Variants in CNTN4 observed in about 807,000 individuals in gnomAD.
CNTN4 encodes the protein contactin-4.
A neutral mutation model predicts 122.5 loss-of-function variants in CNTN4; 77 were observed. The ratio of observed to expected loss-of-function variants is 0.63; its 90% CI spans 0.52 to 0.76. CNTN4 has a LOEUF of 0.76. CNTN4 is among the 30% of genes least tolerant of loss of function. CNTN4 has a pLI of 0.00. For missense variants in CNTN4, 1,256 were observed against 1,259.1 expected (o/e 1.00, Z 0.04); for synonymous variants, 512 against 447.0 (o/e 1.15, Z -1.83).
At chr3:2,921,117 A>T (rs900201944) in intron 12 of CNTN4, among the ~76,000 whole-genome samples, 1 of 152,230 alleles carries the variant, frequency 6.6e-6, no homozygotes, top group Non-Finnish European at 1.5e-5. Flanking sequence ...AGCTCACTGC[A>T]GCCTTGAACT....
At chr3:2,683,579 T>C (rs1036903457) in intron 4 of CNTN4, among the ~76,000 whole-genome samples, 1 of 152,130 alleles carries the variant, frequency 6.6e-6, no homozygotes, top group African/African-American at 2.4e-5. Context: ...TCCATTATTA[T>C]TGATGTTGAT....
chr3:2,816,269 G>A (rs1411744005), intron 6 of CNTN4, among the ~76,000 whole-genome samples: 2 of 148,142 alleles, frequency 1.4e-5, no homozygotes, highest in African/African-American at 5.3e-5. Flanking sequence ...CAGGAGAATG[G>A]CGTGAACCCA....
At chr3:2,906,301 C>T (rs994491450) in intron 12 of CNTN4, among the ~76,000 whole-genome samples, 1 of 152,128 alleles carries the variant, frequency 6.6e-6, no homozygotes, top group East Asian at 1.9e-4. Context: ...AACAAGATAT[C>T]GTACTCTCAA....
intron 13 of CNTN4, among the ~76,000 whole-genome samples, chr3:2,943,192 C>T (rs1427351624): frequency 8.6e-6 from 1 of 115,622 alleles, no homozygotes; most frequent in Non-Finnish European, 1.9e-5. Context: ...ATTTAGCTCA[C>T]AACTGATTCC....
At chr3:2,470,493 A>G (rs1289416312) in intron 3 of CNTN4, among the ~76,000 whole-genome samples, 2 of 152,098 alleles carry the variant, frequency 1.3e-5, no homozygotes, top group Non-Finnish European at 2.9e-5. Flanking sequence ...TCGCATCTTG[A>G]GACTCTTGTG....
At chr3:2,373,314 T>C (rs986901998) in intron 3 of CNTN4, among the ~76,000 whole-genome samples, 1 of 152,170 alleles carries the variant, frequency 6.6e-6, no homozygotes, top group Non-Finnish European at 1.5e-5. Context: ...GACCTAGAGA[T>C]TAATGAAATA....
intron 7 of CNTN4, among the ~76,000 whole-genome samples, chr3:2,827,612 G>T (rs956281811): frequency 6.6e-6 from 1 of 152,188 alleles, no homozygotes; most frequent in Non-Finnish European, 1.5e-5. Context: ...AATTGGTTAT[G>T]CTCTGGCATT....
At chr3:2,128,340 C>G (rs1473236622) in intron 2 of CNTN4, among the ~76,000 whole-genome samples, 1 of 152,124 alleles carries the variant, frequency 6.6e-6, no homozygotes, top group Non-Finnish European at 1.5e-5. Context: ...TTATTGAATA[C>G]TTATTATGCA....
At chr3:2,631,985 G>C (rs1304241804) in intron 4 of CNTN4, among the ~76,000 whole-genome samples, 1 of 151,748 alleles carries the variant, frequency 6.6e-6, no homozygotes, top group Non-Finnish European at 1.5e-5. Context: ...AAGGAGTTCA[G>C]GGCTGTTGTG....
chr3:2,182,478 T>G (rs2149289043), intron 2 of CNTN4, among the ~76,000 whole-genome samples: 1 of 152,294 alleles, frequency 6.6e-6, no homozygotes, highest in South Asian at 2.1e-4. Context: ...AGTCTTTTCA[T>G]CTTTTCATTA....
At chr3:2,264,279 T>C (rs528475426) in intron 2 of CNTN4, among the ~76,000 whole-genome samples, 1 of 152,264 alleles carries the variant, frequency 6.6e-6, no homozygotes, top group South Asian at 2.1e-4. Flanking sequence ...CCAGCATGTG[T>C]TATTTTTTGT....
intron 2 of CNTN4, among the ~76,000 whole-genome samples, chr3:2,145,073 G>C (rs557203556): frequency 1.3e-5 from 2 of 152,178 alleles, no homozygotes; most frequent in African/African-American, 4.8e-5. Context: ...TGGTGCTCTG[G>C]GCTTCTTATT....
intron 2 of CNTN4, among the ~76,000 whole-genome samples, chr3:2,193,297 A>C (rs1407631682): frequency 6.6e-6 from 1 of 152,056 alleles, no homozygotes; most frequent in Non-Finnish European, 1.5e-5. Flanking sequence ...ACTTGTCCTA[A>C]AGCCTCATTA....
At chr3:2,595,215 C>G (rs1055356721) in intron 4 of CNTN4, among the ~76,000 whole-genome samples, 1 of 152,228 alleles carries the variant, frequency 6.6e-6, no homozygotes, top group African/African-American at 2.4e-5. Context: ...CTGATGCATC[C>G]TTTCTGTTAA....
At chr3:2,252,632 G>A (rs1488314152) in intron 2 of CNTN4, among the ~76,000 whole-genome samples, 3 of 152,028 alleles carry the variant, frequency 2.0e-5, no homozygotes, top group Non-Finnish European at 4.4e-5. Context: ...ATAAAATGTA[G>A]ATTTAATATG....
intron 13 of CNTN4, among the ~76,000 whole-genome samples, chr3:2,958,002 T>A (rs1477792628): frequency 6.6e-6 from 1 of 152,196 alleles, no homozygotes; most frequent in East Asian, 1.9e-4. Context: ...CCACTGTGAC[T>A]GGCCTTTTGA....
chr3:2,198,201 A>T (rs1466205652), intron 2 of CNTN4, among the ~76,000 whole-genome samples: 1 of 152,176 alleles, frequency 6.6e-6, no homozygotes, highest in African/African-American at 2.4e-5. Context: ...CTTCTTGCTA[A>T]TGCTCCTTGG....
At chr3:2,832,118 CCTT>C (rs1430268941) in intron 7 of CNTN4, among the ~76,000 whole-genome samples, 26 of 152,298 alleles carry the variant, frequency 1.7e-4, no homozygotes, top group African/African-American at 6.0e-4. Flanking sequence ...AGCCAGCACT[CCTT>C]CTAAATGTAC....
rs186913926 is a variant in CNTN4 at position 2,193,781 on chromosome 3, C to T, written c.-145+93142C>T. Among the ~76,000 whole-genome samples, 63 of 152,242 alleles carry T rather than the reference C, an allele frequency of 4.1e-4. No individual in the cohort carries two copies. The South Asian group carries it at 6.0e-3, about 15-fold the overall frequency. ...CTGTATTTTTACTGTATCTTTTCTACGTTTAAATTTGTTTAGATACACAAA... is the reference window on the plus strand; with the variant it reads ...CTGTATTTTTACTGTATCTTTTCTATGTTTAAATTTGTTTAGATACACAAA... On this transcript the variant is annotated intron_variant, in intron 2 of 24. Coordinates refer to ENST00000418658, the MANE Select transcript of CNTN4 (RefSeq NM_175607.3).
Sources: gnomAD v4.1 joint callset for allele counts (sites outside exome capture counted in the v4.1 genomes callset) on GRCh38, gnomAD v4.1.1 for gene constraint, MANE v1.5 for transcripts, NCBI Gene and HGNC (gene_info 2026-07-23, HGNC 2026-07-21) for gene names.